IFI16: variants seen among roughly 807,000 people sequenced by gnomAD.
The protein encoded by IFI16 is interferon gamma inducible protein 16, also known as gamma-interferon-inducible protein 16.
In IFI16, 49 loss-of-function variants were observed where a neutral mutation model predicts 68.4. That is an observed-to-expected ratio of 0.72 (90% CI 0.57 to 0.91). The LOEUF is 0.91. Ranked by LOEUF, IFI16 falls within the 40% of genes least tolerant of loss-of-function variation. IFI16 has a pLI of 0.00. For synonymous variants in IFI16, 307 were observed against 315.0 expected (o/e 0.97, Z 0.27); for missense variants, 878 against 942.9 (o/e 0.93, Z 0.90).
rs1179468197 is a variant in IFI16 at position 159,048,165 on chromosome 1, A to G, written c.1498-1267A>G. On this transcript the variant is annotated intron_variant, in intron 8 of 11. Transcript: ENST00000295809. ...CAGCAAGGGCATCATAAAGCATGAA[A>G]TAGCTGTTCATCAGAGCAGACACGC... 1.3e-5 allele frequency among the ~76,000 whole-genome samples: 2 copies of G among 151,102 alleles called. 1 individual carries two copies. The highest frequency in any genetic ancestry group is 4.8e-5 in the African/African-American group (2 of 41,248).
intron 5 of IFI16, among the ~76,000 whole-genome samples, chr1:159,019,214 T>A (rs1055472871): frequency 4.0e-5 from 6 of 151,324 alleles, no homozygotes; most frequent in Non-Finnish European, 5.9e-5. Flanking sequence ...ATTTGGATGA[T>A]ACTTGGAAAA....
chr1:159,020,513 T>G lies in IFI16; in HGVS notation c.1145T>G (p.Met382Arg). 6.2e-7 allele frequency: 1 copy of G among 1,609,762 alleles called. No individual in the cohort carries two copies. Among genetic ancestry groups the G allele is most frequent in the Non-Finnish European group, 8.5e-7 (1 of 1,177,008 alleles). The change falls in exon 6 of 12, where the codon ATG becomes AGG. Residue 382 changes from methionine (M) to arginine (R), a missense_variant. By Grantham distance (91) the Met-to-Arg change is moderately conservative. Coordinates refer to ENST00000295809, the MANE Select transcript of IFI16 (RefSeq NM_001376587.1). ...KNQMSKLISE[M>R]HSFIQIKKKT... is the part of the protein sequence containing the mutation. ...CAGATGTCAAAACTGATTTCAGAAA[T>G]GCATAGTTTTATCCAGGTAAGAATT...
intron 6 of IFI16, among the ~76,000 whole-genome samples, chr1:159,026,724 C>T (rs1322380365): frequency 2.0e-5 from 3 of 152,142 alleles, no homozygotes; most frequent in African/African-American, 4.8e-5. Context: ...TCTTTCACCT[C>T]CTTGGTTAGA....
intron 8 of IFI16, among the ~76,000 whole-genome samples, chr1:159,046,713 T>A (rs1347339845): frequency 1.3e-5 from 2 of 151,148 alleles, no homozygotes; most frequent in Non-Finnish European, 3.0e-5. Flanking sequence ...CTCAATTCTG[T>A]CCCCAAATAA....
intron 3 of IFI16, 38 bp downstream of exon 3, chr1:159,016,025 A>C (rs1180977226): frequency 7.4e-7 from 1 of 1,345,848 alleles, no homozygotes; most frequent in Non-Finnish European, 1.1e-6. Flanking sequence ...CAAGTCCCAC[A>C]GAGGAAGCTC....
chr1:159,016,690 C>A lies in IFI16; in HGVS notation c.539C>A (p.Ser180Tyr). 1 of 1,613,296 alleles carries A rather than the reference C, an allele frequency of 6.2e-7. No homozygotes were observed. The highest frequency in any genetic ancestry group is 1.7e-5 in the Admixed American group (1 of 59,828). ...TCATTGTCAGCTCCACCCAACAGTT[C>A]TTCAACTGAGGTACACTCTTCCTGG... ...KTSLSAPPNS[S>Y]STENPKTVAK... Residue 180 changes from serine to tyrosine, a missense_variant, in exon 4 of 12, where the codon TCT becomes TAT. Ser to Tyr is a moderately radical substitution (Grantham distance 144). Around this residue, in one of 4 missense-constraint regions of IFI16, gnomAD observed 443 missense variants for 421.8 expected, o/e 1.05. Transcript: ENST00000295809.
chr1:159,018,851 T>C (rs1452763748), intron 5 of IFI16, among the ~76,000 whole-genome samples, 200 bp downstream of exon 5: 1 of 152,194 alleles, frequency 6.6e-6, no homozygotes, highest in Non-Finnish European at 1.5e-5. Context: ...ATGTTCTCCT[T>C]CCCAGAGCAT....
chr1:159,051,658 T>G (rs1336216362), intron 9 of IFI16, 21 bp from the exon 10 acceptor site: 1 of 1,590,980 alleles, frequency 6.3e-7, no homozygotes, highest in Non-Finnish European at 8.6e-7. Flanking sequence ...TGTGCCTATG[T>G]TTTGGTCTCT....
chr1:159,017,127 C>T lies in IFI16; in HGVS notation c.549+427C>T, dbSNP rs148106064. On this transcript the variant is annotated intron_variant, in intron 4 of 11. Coordinates refer to ENST00000295809, the MANE Select transcript of IFI16 (RefSeq NM_001376587.1). The stretch of plus-strand genomic sequence containing the variant: ...CTCCCCTGCATTAAAACTGTTCTAT[C>T]GCAGTTTAAGGAGACTGGGATGTTA... 4.7e-4 allele frequency among the ~76,000 whole-genome samples: 72 copies of T among 152,290 alleles called. 2 individuals are homozygous for T. Among genetic ancestry groups the T allele is most frequent in the Middle Eastern group, 6.8e-3 (2 of 294 alleles).
intron 7 of IFI16, among the ~76,000 whole-genome samples, chr1:159,042,449 G>A (rs1308937224): frequency 6.6e-6 from 1 of 151,806 alleles, no homozygotes; most frequent in Non-Finnish European, 1.5e-5. Context: ...TTTCTCCTTT[G>A]CTCTCTCACC....
At chr1:159,002,054 C>G (rs1370504004), upstream of IFI16, among the ~76,000 whole-genome samples, 1 of 152,184 alleles carries the variant, frequency 6.6e-6, no homozygotes, top group African/African-American at 2.4e-5. Context: ...ATAATCATCT[C>G]TGAATGGGGA....
rs1034499611 is a variant in IFI16 at position 159,018,647 on chromosome 1, A to G, written c.968A>G (p.His323Arg). The change falls in exon 5 of 12, where the codon CAT becomes CGT. Residue 323 changes from histidine to arginine, a missense_variant. Coordinates refer to ENST00000295809, the MANE Select transcript of IFI16 (RefSeq NM_001376587.1). Reference protein sequence around the residue: ...GNIVYGVFMLHKKTVNQKTTI... With the variant: ...GNIVYGVFMLRKKTVNQKTTI... Reference sequence around the variant, plus strand: ...ATTGTATATGGGGTATTTATGCTACATAAGGTAAGTCCTCAAAATTGTTTC... The same window carrying G: ...ATTGTATATGGGGTATTTATGCTACGTAAGGTAAGTCCTCAAAATTGTTTC... The G allele has an allele frequency of 3.8e-6, 6 of 1,594,202 alleles. No individual in the cohort carries two copies. Among genetic ancestry groups the G allele is most frequent in the Non-Finnish European group, 5.1e-6 (6 of 1,170,702 alleles).
intron 8 of IFI16, among the ~76,000 whole-genome samples, chr1:159,048,293 A>G (rs1198982150): frequency 6.6e-6 from 1 of 151,280 alleles, no homozygotes; most frequent in African/African-American, 2.4e-5. Flanking sequence ...CACATTACCT[A>G]ATTTATTCTT....
chr1:159,024,922 A>G (rs1197798528), intron 6 of IFI16, among the ~76,000 whole-genome samples: 1 of 152,082 alleles, frequency 6.6e-6, no homozygotes, highest in Non-Finnish European at 1.5e-5. Context: ...TGATGGGTCC[A>G]TTCTTTCTCA....
intron 7 of IFI16, among the ~76,000 whole-genome samples, chr1:159,042,041 C>G (rs1407163041): frequency 6.6e-6 from 1 of 152,188 alleles, no homozygotes; most frequent in Non-Finnish European, 1.5e-5. Flanking sequence ...TCTGCTGCAC[C>G]TAAACCTCCC....
intron 7 of IFI16, among the ~76,000 whole-genome samples, chr1:159,044,253 T>G (rs1654845541): frequency 1.3e-5 from 2 of 152,184 alleles, no homozygotes; most frequent in Non-Finnish European, 2.9e-5. Context: ...AGAGTCAGGA[T>G]TCAAATGCAG....
chr1:159,045,360 A>G lies in IFI16; in HGVS notation c.1393A>G (p.Ser465Gly), dbSNP rs1224193255. The G allele has an allele frequency of 5.8e-6, 9 of 1,554,102 alleles. No individual in the cohort carries two copies. Among genetic ancestry groups the G allele is most frequent in the Non-Finnish European group, 8.0e-6 (9 of 1,130,192 alleles). Residue 465 changes from serine (S) to glycine (G), a missense_variant, in exon 8 of 12, where the codon AGT (serine) becomes GGT (glycine). Transcript: ENST00000295809. The part of the protein sequence containing the change: ...FMRMQILKEG[S>G]HFPGPFMTSI... ...GAGGATGCAGATACTGAAGGAAGGG[A>G]GTCATTTTCCAGGACCGTTCATGAC...
intron 6 of IFI16, among the ~76,000 whole-genome samples, chr1:159,026,486 AT>A (rs1488971017): frequency 2.6e-5 from 4 of 151,994 alleles, no homozygotes; most frequent in Non-Finnish European, 4.4e-5. Flanking sequence ...TTTAGTAGAG[AT>A]GGGGTTTCAC....
At chr1:159,008,865 T>G (rs1167184545), upstream of IFI16, 2 of 152,220 alleles carry the variant, frequency 1.3e-5, no homozygotes, top group African/African-American at 4.8e-5. Context: ...CAATCAGCTT[T>G]CTTTTGCTCT....
Sources: gnomAD v4.1 joint callset for allele counts (sites outside exome capture counted in the v4.1 genomes callset) on GRCh38, gnomAD v4.1.1 for gene constraint, gnomAD v4.1.1 regional missense constraint, MANE v1.5 for transcripts, NCBI Gene and HGNC (gene_info 2026-07-23, HGNC 2026-07-21) for gene names.